The following LMTK3 variants were observed in gnomAD, a reference collection of about 807,000 sequenced individuals.
LMTK3 encodes serine/threonine-protein kinase LMTK3.
LMTK3 carries 27 observed loss-of-function variants against 116.7 expected under a neutral mutation model. That is an observed-to-expected ratio of 0.23 (90% confidence interval 0.17 to 0.32). The LOEUF (loss-of-function observed/expected upper bound fraction) is 0.32. Ranked by LOEUF, LMTK3 falls within the 10% of genes least tolerant of loss-of-function variation. The probability of loss-of-function intolerance (pLI) is 1.00; values close to 1 mark genes in which losing one functional copy is unlikely to be tolerated. For missense variants in LMTK3, 1,764 were observed against 2,068.5 expected (o/e 0.85, Z 2.86); for synonymous variants, 965 against 971.0 (o/e 0.99, Z 0.11).
chr19:48,509,455 C>A lies in LMTK3; in HGVS notation c.420G>T (p.Gly140=). Residue 140 remains glycine, a synonymous_variant, in exon 4 of 15, where the codon GGG becomes GGT. Transcript: ENST00000600059. The part of the protein sequence containing the change: ...RQHLSYLQEI[G]SGWFGKVILG... Reference sequence around the variant, plus strand: ...CACTCACCTTCCCAAACCAGCCACTCCCAATCTCCTGCAGGTAGCTCAGGT... The same window carrying A: ...CACTCACCTTCCCAAACCAGCCACTACCAATCTCCTGCAGGTAGCTCAGGT... The A allele has an allele frequency of 6.4e-7, 1 of 1,559,128 alleles. No homozygotes were observed. The highest frequency in any genetic ancestry group is 8.7e-7 in the Non-Finnish European group (1 of 1,150,700).
Position 48,485,589 on chromosome 19 carries a change from C to CT in LMTK3, c.*183dup. The CT allele has an allele frequency of 2.2e-6, 1 of 451,088 alleles. No individual in the cohort carries two copies. Among genetic ancestry groups the CT allele is most frequent in the Non-Finnish European group, 3.6e-6 (1 of 279,832 alleles). The allele number at this position is 451,088 out of a possible 1,614,324, so 27.9% of individuals were successfully genotyped here. ...GGGGTCAGGGGAGCCATCTGGGGGG[C>CT]TGGGGGGCGGGGGCCCGGGGCCTCC... is the stretch of plus-strand genomic sequence containing the variant. On this transcript the variant is annotated 3_prime_UTR_variant, in exon 15 of 15. Coordinates refer to ENST00000600059, the MANE Select transcript of LMTK3 (RefSeq NM_001388485.1).
At chr19:48,490,897 G>A (rs1375411178) in intron 14 of LMTK3, among the ~76,000 whole-genome samples, 1 of 152,178 alleles carries the variant, frequency 6.6e-6, no homozygotes, top group Non-Finnish European at 1.5e-5. Flanking sequence ...GGTTGGGGAC[G>A]GCCGGCCTGC....
At position 48,499,325 on chromosome 19, in the gene LMTK3, C is replaced by A; in HGVS notation, c.1744G>T (p.Glu582Ter). 1 of 1,415,066 alleles carries A rather than the reference C, an allele frequency of 7.1e-7. No individual in the cohort carries two copies. Among genetic ancestry groups the A allele is most frequent in the Non-Finnish European group, 9.2e-7 (1 of 1,081,530 alleles). The allele number at this position is 1,415,066 out of a possible 1,614,324, so 87.7% of individuals were successfully genotyped here. The change falls in exon 11 of 15, where the codon GAG (glutamate) becomes TAG (stop). Residue 582 changes from glutamate (E) to a stop codon, truncating the protein, a stop_gained. Transcript: ENST00000600059. LOFTEE classifies it high-confidence loss of function. ...GGGAAGAGGGGGGAGGCCCAGGTCTCGGACACCAGCTGGGGGACCTCGGAG... is the reference window on the plus strand; with the variant it reads ...GGGAAGAGGGGGGAGGCCCAGGTCTAGGACACCAGCTGGGGGACCTCGGAG... ...APSEVPQLVS[E>*]TWASPLFPAP...
Position 48,510,040 on chromosome 19 carries a change from G to A in LMTK3, c.344C>T (p.Pro115Leu), listed in dbSNP as rs1033696844. 6.2e-7 allele frequency: 1 copy of A among 1,613,784 alleles called. No individual in the cohort carries two copies. The highest frequency in any genetic ancestry group is 8.5e-7 in the Non-Finnish European group (1 of 1,179,878). ...LAEVSLPMPA[P>L]QPSHSDMTTP... is the part of the protein sequence containing the mutation. Reference sequence around the variant, plus strand: ...GGCAGTACCTGAGTGTGAAGGCTGCGGGGCAGGCATTGGCAGGGAGACCTC... The same window carrying A: ...GGCAGTACCTGAGTGTGAAGGCTGCAGGGCAGGCATTGGCAGGGAGACCTC... Residue 115 changes from proline to leucine, a missense_variant, in exon 3 of 15, where the codon CCG (proline) becomes CTG (leucine). Coordinates refer to ENST00000600059, the MANE Select transcript of LMTK3 (RefSeq NM_001388485.1).
At position 48,500,849 on chromosome 19, in the gene LMTK3, G is replaced by A. The variant is rs1972451927; in HGVS notation, c.1151+147C>T. On this transcript the variant is annotated intron_variant, in intron 10 of 14. Coordinates refer to ENST00000600059, the MANE Select transcript of LMTK3 (RefSeq NM_001388485.1). This position sits in a 1 kb window ranked among gnomAD's most constrained non-coding sequence, Gnocchi z 4.0. ...GTCCCCCTGCAAGTAGCAGATGCTG[G>A]CAGAAAGGGTGGGGACAGCCCCTCT... The A allele has an allele frequency of 2.6e-6, 2 of 776,596 alleles. No homozygotes were observed. Among genetic ancestry groups the A allele is most frequent in the Admixed American group, 7.0e-5 (2 of 28,556 alleles). 48.1% of individuals were successfully genotyped at this position (776,596 alleles called of 1,614,324 possible).
At chr19:48,492,374 A>C (rs1972241722) in intron 12 of LMTK3, among the ~76,000 whole-genome samples, 1 of 152,098 alleles carries the variant, frequency 6.6e-6, no homozygotes, top group Non-Finnish European at 1.5e-5. Flanking sequence ...TTTTTAAGAG[A>C]CGAGGTCTCG....
Position 48,497,550 on chromosome 19 carries a change from G to A in LMTK3, c.3519C>T (p.Ala1173=). 1 of 1,363,322 alleles carries A rather than the reference G, an allele frequency of 7.3e-7. No homozygotes were observed. The highest frequency in any genetic ancestry group is 9.5e-7 in the Non-Finnish European group (1 of 1,054,458). 84.5% of individuals were successfully genotyped at this position (1,363,322 alleles called of 1,614,324 possible). The part of the protein sequence containing the change: ...PAPPRARPEV[A]PEGEPGAPDS... Reference sequence around the variant, plus strand: ...CTGGGGCCCCGGGCTCTCCCTCGGGGGCCACCTCCGGCCTGGCTCTCGGGG... The same window carrying A: ...CTGGGGCCCCGGGCTCTCCCTCGGGAGCCACCTCCGGCCTGGCTCTCGGGG... The change falls in exon 11 of 15, where the codon GCC becomes GCT. Residue 1173 remains alanine (A), a synonymous_variant. Transcript: ENST00000600059. This position sits in a 1 kb window ranked among gnomAD's most constrained non-coding sequence, Gnocchi z 5.7.
intron 12 of LMTK3, among the ~76,000 whole-genome samples, chr19:48,493,407 T>C (rs557748225): frequency 1.4e-4 from 14 of 102,852 alleles, no homozygotes; most frequent in South Asian, 6.7e-4. Context: ...CCACTCTAGA[T>C]TGGGGCTCCC....
At chr19:48,492,056 C>T (rs150265657) in intron 12 of LMTK3, among the ~76,000 whole-genome samples, 161 of 152,286 alleles carry the variant, frequency 1.1e-3, no homozygotes, top group Non-Finnish European at 2.1e-3. Context: ...TTCAGTGGCC[C>T]AGGCCCCAGT....
chr19:48,503,619 C>T (rs1159186487), intron 5 of LMTK3, among the ~76,000 whole-genome samples: 1 of 152,126 alleles, frequency 6.6e-6, no homozygotes, highest in Non-Finnish European at 1.5e-5. Context: ...TTTGCCTCAC[C>T]TGCTTTTCAC....
intron 14 of LMTK3, among the ~76,000 whole-genome samples, chr19:48,486,506 C>T (rs1303347833): frequency 1.3e-5 from 2 of 152,076 alleles, no homozygotes; most frequent in African/African-American, 4.8e-5. Flanking sequence ...ATTTGTCACT[C>T]TGGGATGACC....
At chr19:48,513,379 G>T, upstream of LMTK3, 1 of 604,880 alleles carries the variant, frequency 1.7e-6, no homozygotes, top group Non-Finnish European at 3.0e-6. The surrounding 1 kb of genome is among the most constrained non-coding windows in gnomAD (Gnocchi z 5.6). Context: ...GCGCGGGGTA[G>T]TCACCTGCCC....
At chr19:48,507,469 G>A (rs1972589727) in intron 5 of LMTK3, among the ~76,000 whole-genome samples, 1 of 152,196 alleles carries the variant, frequency 6.6e-6, no homozygotes, top group Admixed American at 6.6e-5. Flanking sequence ...AGAGCTTTGC[G>A]AAGGTGGGAA....
At chr19:48,501,448 A>G (rs774096592) in intron 8 of LMTK3, 30 bp downstream of exon 8, 3 of 1,612,448 alleles carry the variant, frequency 1.9e-6, no homozygotes, top group Non-Finnish European at 2.5e-6. Flanking sequence ...GGCACCCCAC[A>G]GCCCCCATCC....
chr19:48,491,204 G>A lies in LMTK3; in HGVS notation c.4270C>T (p.Pro1424Ser), dbSNP rs776971973. 16 of 1,406,620 alleles carry A rather than the reference G, an allele frequency of 1.1e-5. No homozygotes were observed. Among genetic ancestry groups the A allele is most frequent in the Admixed American group, 6.2e-5 (2 of 32,422 alleles). 87.1% of individuals were successfully genotyped at this position (1,406,620 alleles called of 1,614,324 possible). A position where few individuals can be genotyped will look rare whatever the true frequency, so the allele number is the denominator to read the frequency against. Residue 1424 changes from proline (P) to serine (S), a missense_variant, in exon 14 of 15, where the codon CCT becomes TCT. Coordinates refer to ENST00000600059, the MANE Select transcript of LMTK3 (RefSeq NM_001388485.1). This position sits in a 1 kb window ranked among gnomAD's most constrained non-coding sequence, Gnocchi z 5.1. ...GAGAAGCACAGCGGGGGGCCTGGAGGGGGGAGGAGGGGGAAATCCTCCGCC... is the reference window on the plus strand; with the variant it reads ...GAGAAGCACAGCGGGGGGCCTGGAGAGGGGAGGAGGGGGAAATCCTCCGCC... ...EWAEDFPLLP[P>S]PGPPLCFSRF...
At position 48,500,038 on chromosome 19, in the gene LMTK3, G is replaced by A; in HGVS notation, c.1152-121C>T. 2.1e-6 allele frequency: 2 copies of A among 948,156 alleles called. No individual in the cohort carries two copies. Among genetic ancestry groups the A allele is most frequent in the South Asian group, 3.5e-5 (2 of 57,336 alleles). 58.7% of individuals were successfully genotyped at this position (948,156 alleles called of 1,614,324 possible). ...ACCCAGAGGGTAACAGAGACCCAGA[G>A]AGAGGGGGACAGAGACCCAGAGAGA... On this transcript the variant is annotated intron_variant, in intron 10 of 14. Coordinates refer to ENST00000600059, the MANE Select transcript of LMTK3 (RefSeq NM_001388485.1). The surrounding 1 kb of genome is among the most constrained non-coding windows in gnomAD (Gnocchi z 4.0).
chr19:48,490,584 C>A (rs1222068759), intron 14 of LMTK3, among the ~76,000 whole-genome samples: 1 of 150,508 alleles, frequency 6.6e-6, no homozygotes, highest in East Asian at 2.0e-4. Flanking sequence ...CATGGGATCG[C>A]AATGAACATT....
intron 14 of LMTK3, 87 bp from the exon 15 acceptor site, chr19:48,485,876 C>T: frequency 7.4e-7 from 1 of 1,348,388 alleles, no homozygotes; most frequent in Non-Finnish European, 1.0e-6. Flanking sequence ...AAAGCAAAGC[C>T]CTCACCCACC....
rs988645404 is a variant in LMTK3 at position 48,498,528 on chromosome 19, G to T, written c.2541C>A (p.Pro847=). 5.5e-5 allele frequency: 86 copies of T among 1,573,950 alleles called. No homozygotes were observed. In the Middle Eastern group the frequency reaches 1.7e-3, roughly 30 times the overall value. The change falls in exon 11 of 15, where the codon CCC becomes CCA. Residue 847 remains proline (P), a synonymous_variant. Coordinates refer to ENST00000600059, the MANE Select transcript of LMTK3 (RefSeq NM_001388485.1). The part of the protein sequence containing the change: ...PDPGPLPLPG[P]REKPTFVVQV... ...GAACCACGAAGGTCGGCTTCTCCCG[G>T]GGCCCCGGGAGTGGGAGCGGACCCG... is the stretch of plus-strand genomic sequence containing the variant.
Sources: allele counts gnomAD v4.1 joint callset (sites outside exome capture counted in the v4.1 genomes callset), GRCh38; gene constraint gnomAD v4.1.1; non-coding constraint Gnocchi (gnomAD v3.1); transcripts MANE v1.5; gene names NCBI Gene and HGNC (gene_info 2026-07-23, HGNC 2026-07-21).